Variants in NCAM2 observed in about 807,000 individuals in gnomAD.
NCAM2 encodes neural cell adhesion molecule 2, also known as N-CAM-2.
Under a neutral mutation model 98.1 loss-of-function variants are expected in NCAM2, and 30 were observed. The observed-to-expected ratio is 0.31, with a 90% CI of 0.23 to 0.41. The LOEUF (loss-of-function observed/expected upper bound fraction) is 0.41. Among genes scored for constraint, NCAM2 ranks in the 10% least tolerant of loss-of-function variants. NCAM2 has a pLI of 1.00. For synonymous variants in NCAM2, 368 were observed against 342.4 expected, an observed-to-expected ratio of 1.07 and a Z score of -0.83; for missense variants, 867 against 1,005.8, an observed-to-expected ratio of 0.86 and a Z score of 1.87.
chr21:21,455,593 A>G (rs1428630397), intron 12 of NCAM2, among the ~76,000 whole-genome samples: 4 of 152,036 alleles, frequency 2.6e-5, no homozygotes, highest in Non-Finnish European at 5.9e-5. Flanking sequence ...ATAACGTGTA[A>G]TCTTTCAAAA....
chr21:21,441,337 A>G (rs1229389439), intron 12 of NCAM2, among the ~76,000 whole-genome samples: 2 of 152,178 alleles, frequency 1.3e-5, no homozygotes, highest in African/African-American at 2.4e-5. Context: ...GCACAAAGTG[A>G]TTACTCATAC....
At chr21:21,313,953 G>A (rs1408658187) in intron 5 of NCAM2, among the ~76,000 whole-genome samples, 1 of 151,904 alleles carries the variant, frequency 6.6e-6, no homozygotes, top group East Asian at 1.9e-4. Flanking sequence ...GCATCATATA[G>A]GTCCCTACAT....
At chr21:21,348,841 C>T (rs557340550) in intron 8 of NCAM2, among the ~76,000 whole-genome samples, 9 of 152,090 alleles carry the variant, frequency 5.9e-5, no homozygotes, top group Admixed American at 2.6e-4. Flanking sequence ...AGGGAAAAGA[C>T]AGTCTGTTCA....
intron 12 of NCAM2, among the ~76,000 whole-genome samples, chr21:21,460,132 T>C (rs1326183720): frequency 1.3e-5 from 2 of 151,960 alleles, no homozygotes; most frequent in African/African-American, 4.8e-5. Flanking sequence ...TAATATCATT[T>C]TTCTTATTTA....
intron 1 of NCAM2, among the ~76,000 whole-genome samples, chr21:21,227,558 A>C (rs2147165669): frequency 6.6e-6 from 1 of 151,922 alleles, no homozygotes; most frequent in South Asian, 2.1e-4. Context: ...ACAGCATTTC[A>C]TAGTTTTTCA....
chr21:21,230,324 TATG>T (rs1269189543), intron 1 of NCAM2, among the ~76,000 whole-genome samples: 2 of 151,320 alleles, frequency 1.3e-5, no homozygotes, highest in Non-Finnish European at 3.0e-5. Context: ...TTTTTGAGAT[TATG>T]ATGATAAAAG....
At chr21:21,033,414 T>C (rs2064730517) in intron 1 of NCAM2, among the ~76,000 whole-genome samples, 1 of 152,220 alleles carries the variant, frequency 6.6e-6, no homozygotes, top group East Asian at 1.9e-4. Context: ...TACAAATTTA[T>C]TAGCTTGCAT....
At chr21:21,070,623 C>CT (rs148227575) in intron 1 of NCAM2, among the ~76,000 whole-genome samples, 32,104 of 151,992 alleles carry the variant, frequency 0.21, 3,839 homozygotes, top group African/African-American at 0.31. Flanking sequence ...GTGGTAGTAA[C>CT]TGTGTTCTTC....
intron 6 of NCAM2, among the ~76,000 whole-genome samples, chr21:21,329,489 G>T (rs1404220447): frequency 6.6e-6 from 1 of 152,012 alleles, no homozygotes; most frequent in Non-Finnish European, 1.5e-5. Flanking sequence ...AAATTGACTG[G>T]GGACATATTT....
intron 16 of NCAM2, among the ~76,000 whole-genome samples, chr21:21,530,149 TTA>T (rs1569141631): frequency 1.4e-5 from 2 of 143,084 alleles, no homozygotes; most frequent in African/African-American, 2.5e-5. Flanking sequence ...TTTAATTTAA[TTA>T]TATATGATTT....
In NCAM2 at chr21:21,335,600, C is replaced by G. The variant is rs1477282206; in HGVS notation, c.833C>G (p.Pro278Arg). Residue 278 changes from proline to arginine, a missense_variant, in exon 7 of 18, where the codon CCT becomes CGT. Pro to Arg is a moderately radical substitution (Grantham distance 103). Coordinates refer to ENST00000400546, the MANE Select transcript of NCAM2 (RefSeq NM_004540.5). Reference protein sequence around the residue: ...VRNIINSDGGPYVCRATNKAG... With the variant: ...VRNIINSDGGRYVCRATNKAG... ...AACATAATCAATAGTGATGGTGGTC[C>G]TTATGTCTGCAGGGCCACAAATAAG... 6.2e-7 allele frequency: 1 copy of G among 1,611,450 alleles called. No individual in the cohort carries two copies.
chr21:21,146,638 T>C (rs1430463825), intron 1 of NCAM2, among the ~76,000 whole-genome samples: 2 of 151,024 alleles, frequency 1.3e-5, no homozygotes, highest in Non-Finnish European at 1.5e-5. Flanking sequence ...ATTTAACGTA[T>C]TAAAGAACAG....
intron 1 of NCAM2, among the ~76,000 whole-genome samples, chr21:21,172,888 A>G (rs2068168724): frequency 6.6e-6 from 1 of 152,164 alleles, no homozygotes; most frequent in African/African-American, 2.4e-5. Context: ...AAGAACTACT[A>G]AAGAAATAAA....
At chr21:21,338,256 C>T (rs1602029325) in intron 7 of NCAM2, 133 bp from the exon 8 acceptor site, 3 of 809,144 alleles carry the variant, frequency 3.7e-6, no homozygotes, top group East Asian at 6.2e-5. Flanking sequence ...TAAGGCAAAG[C>T]AGGCCACTGT....
chr21:21,466,113 A>T (rs1983646708), intron 12 of NCAM2, among the ~76,000 whole-genome samples: 1 of 152,048 alleles, frequency 6.6e-6, no homozygotes. Flanking sequence ...AAATTGTAGA[A>T]TAAACTATTT....
intron 1 of NCAM2, among the ~76,000 whole-genome samples, chr21:21,029,834 G>A (rs1222026302): frequency 3.9e-5 from 6 of 151,994 alleles, no homozygotes; most frequent in African/African-American, 9.6e-5. Flanking sequence ...GTTTCACCAC[G>A]TTGGCCAGGA....
At chr21:21,309,788 A>G (rs750160868) in intron 5 of NCAM2, among the ~76,000 whole-genome samples, 1 of 152,170 alleles carries the variant, frequency 6.6e-6, no homozygotes, top group Non-Finnish European at 1.5e-5. Context: ...CCTGTGCTGC[A>G]ATCTAGAAAC....
chr21:21,433,204 A>G (rs62214323), intron 12 of NCAM2, among the ~76,000 whole-genome samples: 11,476 of 152,204 alleles, frequency 0.075, 474 homozygotes, highest in East Asian at 0.16. Flanking sequence ...TCAGTCATCT[A>G]TCATGTACCA....
At chr21:21,201,333 T>G (rs1448887486) in intron 1 of NCAM2, among the ~76,000 whole-genome samples, 1 of 152,040 alleles carries the variant, frequency 6.6e-6, no homozygotes, top group Non-Finnish European at 1.5e-5. Context: ...CTGCTCCCAC[T>G]GCCTTTTTGT....
Sources: gnomAD v4.1 joint callset for allele counts (sites outside exome capture counted in the v4.1 genomes callset) on GRCh38, gnomAD v4.1.1 for gene constraint, MANE v1.5 for transcripts, NCBI Gene and HGNC (gene_info 2026-07-23, HGNC 2026-07-21) for gene names.